Variants in STK32B observed in about 807,000 individuals in gnomAD.
The protein encoded by STK32B is serine/threonine kinase 32B.
A neutral mutation model predicts 52.6 loss-of-function variants in STK32B; 43 were observed. That is an observed-to-expected ratio of 0.82 (90% confidence interval 0.64 to 1.05). The LOEUF (loss-of-function observed/expected upper bound fraction) is 1.05, where lower values mean the gene tolerates loss of function less well. Ranked by LOEUF, STK32B falls within the 50% of genes least tolerant of loss-of-function variation. STK32B has a pLI of 0.00. For synonymous variants in STK32B, 238 were observed against 204.3 expected, an observed-to-expected ratio of 1.17 and a Z score of -1.41; for missense variants, 621 against 534.6, an observed-to-expected ratio of 1.16 and a Z score of -1.59.
chr4:5,308,904 T>C (rs1730106320), intron 3 of STK32B, among the ~76,000 whole-genome samples: 1 of 151,940 alleles, frequency 6.6e-6, no homozygotes, highest in East Asian at 1.9e-4. Context: ...GACAGAACAA[T>C]TATGCAAGAG....
chr4:5,476,564 T>G (rs1577567430), intron 11 of STK32B, among the ~76,000 whole-genome samples: 1 of 152,146 alleles, frequency 6.6e-6, no homozygotes, highest in Non-Finnish European at 1.5e-5. Context: ...TGGCTTCTTA[T>G]GAAAAAGCCT....
chr4:5,132,704 A>G (rs1284782914), intron 1 of STK32B, among the ~76,000 whole-genome samples: 1 of 152,032 alleles, frequency 6.6e-6, no homozygotes, highest in Non-Finnish European at 1.5e-5. Flanking sequence ...TAATAAATTG[A>G]TATTATTTAA....
intron 11 of STK32B, among the ~76,000 whole-genome samples, chr4:5,486,629 T>G (rs1477489594): frequency 6.6e-6 from 1 of 152,220 alleles, no homozygotes; most frequent in Non-Finnish European, 1.5e-5. Flanking sequence ...GAGATGAACC[T>G]GGTACCTCAG....
intron 3 of STK32B, among the ~76,000 whole-genome samples, chr4:5,187,316 A>T (rs1161085318): frequency 6.6e-6 from 1 of 152,086 alleles, no homozygotes; most frequent in Non-Finnish European, 1.5e-5. Flanking sequence ...GTCCATGGGG[A>T]ATTAGTAAAT....
chr4:5,444,762 A>G (rs1348409702), intron 6 of STK32B, among the ~76,000 whole-genome samples: 2 of 152,168 alleles, frequency 1.3e-5, no homozygotes, highest in Non-Finnish European at 2.9e-5. Flanking sequence ...AATCCTCACA[A>G]CAGCCCAATG....
intron 3 of STK32B, among the ~76,000 whole-genome samples, chr4:5,187,625 G>T (rs966548300): frequency 7.9e-5 from 12 of 151,210 alleles, no homozygotes; most frequent in African/African-American, 2.0e-4. Flanking sequence ...GGGCGGGGGA[G>T]GGGGGGGACA....
At chr4:5,028,221 C>A in the STK32B span, among the ~76,000 whole-genome samples, 6 of 152,178 alleles carry the variant, frequency 3.9e-5, no homozygotes, top group Non-Finnish European at 7.3e-5. Context: ...GCAGCCTCAA[C>A]CTCATGGGCT....
chr4:5,231,873 A>G (rs188874625), intron 3 of STK32B, among the ~76,000 whole-genome samples: 2 of 152,236 alleles, frequency 1.3e-5, no homozygotes, highest in East Asian at 1.9e-4. Flanking sequence ...TGAGGTGGGG[A>G]GGAAGGATTA....
chr4:5,306,795 T>C (rs894624078), intron 3 of STK32B, among the ~76,000 whole-genome samples: 8 of 152,218 alleles, frequency 5.3e-5, no homozygotes, highest in Admixed American at 5.2e-4. Context: ...TGTTTCAAGA[T>C]TTAGAGCTTC....
At chr4:5,326,861 C>G (rs755733352) in intron 3 of STK32B, among the ~76,000 whole-genome samples, 1 of 152,190 alleles carries the variant, frequency 6.6e-6, no homozygotes, top group African/African-American at 2.4e-5. Context: ...AAATATTTCT[C>G]TATAGCAAGT....
intron 1 of STK32B, among the ~76,000 whole-genome samples, chr4:5,137,454 C>T (rs994771147): frequency 5.9e-5 from 9 of 152,134 alleles, no homozygotes; most frequent in South Asian, 2.1e-4. Context: ...CAAGAGGCCA[C>T]GGATGTGTAA....
intron 3 of STK32B, among the ~76,000 whole-genome samples, chr4:5,257,093 G>A (rs1379513762): frequency 2.0e-5 from 3 of 152,214 alleles, no homozygotes; most frequent in Non-Finnish European, 4.4e-5. Context: ...GTGAATGAAT[G>A]AATGAGTGAG....
rs1737156049 is a variant in STK32B at position 5,399,580 on chromosome 4, T to TC, written c.472+1337dup. Among the ~76,000 whole-genome samples, 1 of 152,056 alleles carries TC rather than the reference T, an allele frequency of 6.6e-6. No homozygotes were observed. Among genetic ancestry groups the TC allele is most frequent in the Non-Finnish European group, 1.5e-5 (1 of 68,012 alleles). On this transcript the variant is annotated intron_variant, in intron 5 of 11. Coordinates refer to ENST00000282908, the MANE Select transcript of STK32B (RefSeq NM_018401.3). The surrounding 1 kb of genome is among the most constrained non-coding windows in gnomAD (Gnocchi z 5.4). ...GCATGGACAGAGCTGAGGATCCAAA[T>TC]CAAGGCTGGAAAGGAAGCGAAAGCA...
chr4:5,300,297 A>C (rs1729474302), intron 3 of STK32B, among the ~76,000 whole-genome samples: 2 of 152,176 alleles, frequency 1.3e-5, no homozygotes, highest in Admixed American at 1.3e-4. Context: ...TAATAGGAGC[A>C]GTCTATGACA....
At chr4:5,160,283 G>A (rs770788496) in intron 2 of STK32B, among the ~76,000 whole-genome samples, 2 of 152,062 alleles carry the variant, frequency 1.3e-5, no homozygotes, top group Admixed American at 1.3e-4. Flanking sequence ...ATAATGAACC[G>A]CATACTCAGT....
At chr4:5,213,149 G>A (rs918264211) in intron 3 of STK32B, among the ~76,000 whole-genome samples, 2 of 152,074 alleles carry the variant, frequency 1.3e-5, no homozygotes, top group African/African-American at 4.8e-5. Flanking sequence ...TAATTCTGGG[G>A]CTGTTCTTCG....
At chr4:5,062,825 A>C (rs1241517763) in intron 1 of STK32B, among the ~76,000 whole-genome samples, 1 of 152,014 alleles carries the variant, frequency 6.6e-6, no homozygotes, top group Non-Finnish European at 1.5e-5. Flanking sequence ...ATTGTTTTTG[A>C]AATTTATAAA....
At chr4:5,228,857 C>T (rs988482507) in intron 3 of STK32B, among the ~76,000 whole-genome samples, 5 of 152,120 alleles carry the variant, frequency 3.3e-5, no homozygotes, top group African/African-American at 1.2e-4. Flanking sequence ...ATCCCAGCTA[C>T]TCGGAAGCCT....
At chr4:5,296,040 G>T (rs973577959) in intron 3 of STK32B, among the ~76,000 whole-genome samples, 2 of 152,174 alleles carry the variant, frequency 1.3e-5, no homozygotes, top group Non-Finnish European at 2.9e-5. Context: ...TCATTCAAGA[G>T]CAGATTGTTC....
Sources: gnomAD v4.1 joint callset for allele counts (sites outside exome capture counted in the v4.1 genomes callset) on GRCh38, gnomAD v4.1.1 for gene constraint, Gnocchi (gnomAD v3.1) non-coding constraint, MANE v1.5 for transcripts, NCBI Gene and HGNC (gene_info 2026-07-23, HGNC 2026-07-21) for gene names.